The following NLGN1 variants were observed in gnomAD, a reference collection of about 807,000 sequenced individuals.
The protein encoded by NLGN1 is neuroligin-1.
Under a neutral mutation model 65.5 loss-of-function variants are expected in NLGN1, and 12 were observed. The ratio of observed to expected loss-of-function variants is 0.18; its 90% CI spans 0.12 to 0.30. The LOEUF is 0.30. Ranked by LOEUF, NLGN1 falls within the 10% of genes least tolerant of loss-of-function variation. NLGN1 has a pLI of 1.00. For synonymous variants in NLGN1, 350 were observed against 359.5 expected (o/e 0.97, Z 0.30); for missense variants, 750 against 1,007.1 (o/e 0.74, Z 3.46).
chr3:173,971,699 C>T (rs1036349229), intron 4 of NLGN1, among the ~76,000 whole-genome samples: 1 of 152,044 alleles, frequency 6.6e-6, no homozygotes, highest in Non-Finnish European at 1.5e-5. Context: ...GGGACCATTA[C>T]GTGGGTTCCT....
intron 4 of NLGN1, among the ~76,000 whole-genome samples, chr3:174,083,953 T>C (rs899626347): frequency 5.9e-5 from 9 of 152,178 alleles, no homozygotes; most frequent in Non-Finnish European, 1.3e-4. Context: ...GTTCATTCTG[T>C]AGAGGGATAA....
At chr3:173,680,856 A>C (rs1763852087) in intron 3 of NLGN1, among the ~76,000 whole-genome samples, 1 of 152,124 alleles carries the variant, frequency 6.6e-6, no homozygotes, top group African/African-American at 2.4e-5. Context: ...ATGCAAATGT[A>C]CCCTTTCTGG....
At chr3:174,162,396 A>G (rs1240296689) in intron 4 of NLGN1, among the ~76,000 whole-genome samples, 1 of 151,918 alleles carries the variant, frequency 6.6e-6, no homozygotes, top group Non-Finnish European at 1.5e-5. Flanking sequence ...TGGAGGGACT[A>G]TAACCTCTCA....
At chr3:173,804,826 A>G (rs192583577) in intron 3 of NLGN1, among the ~76,000 whole-genome samples, 230 of 152,250 alleles carry the variant, frequency 1.5e-3, no homozygotes, top group African/African-American at 5.1e-3. Flanking sequence ...CAGGAGTTCA[A>G]GACCAGTCTG....
intron 4 of NLGN1, among the ~76,000 whole-genome samples, chr3:173,924,122 C>T (rs1001689677): frequency 6.6e-6 from 1 of 152,062 alleles, no homozygotes; most frequent in Non-Finnish European, 1.5e-5. Flanking sequence ...ATTCCCAATA[C>T]ATTTAAAAAC....
chr3:173,867,998 C>T (rs1730511412), intron 4 of NLGN1, among the ~76,000 whole-genome samples: 1 of 152,162 alleles, frequency 6.6e-6, no homozygotes, highest in Non-Finnish European at 1.5e-5. Flanking sequence ...TTAATCTCCA[C>T]TAAGAAAATA....
At chr3:174,255,615 TTTTCTC>T (rs147160544) in intron 4 of NLGN1, among the ~76,000 whole-genome samples, 16,820 of 146,474 alleles carry the variant, frequency 0.11, 1,714 homozygotes, top group African/African-American at 0.28. Context: ...AACTAAGTCT[TTTTCTC>T]TTTCTTTCTT....
chr3:173,551,700 A>C (rs1740888584), intron 2 of NLGN1, among the ~76,000 whole-genome samples: 1 of 152,222 alleles, frequency 6.6e-6, no homozygotes, highest in Non-Finnish European at 1.5e-5. Context: ...GCAGGGTTGC[A>C]TTGTGATCTT....
intron 4 of NLGN1, among the ~76,000 whole-genome samples, chr3:173,845,365 A>G (rs1233732808): frequency 1.3e-5 from 2 of 152,168 alleles, no homozygotes; most frequent in African/African-American, 4.8e-5. Flanking sequence ...GCCAAATGCC[A>G]TCTACTTTCT....
intron 4 of NLGN1, among the ~76,000 whole-genome samples, chr3:174,034,410 G>T (rs1579905506): frequency 6.6e-6 from 1 of 151,850 alleles, no homozygotes; most frequent in African/African-American, 2.4e-5. Context: ...AGACAATGAA[G>T]GGAAAATAGA....
intron 3 of NLGN1, among the ~76,000 whole-genome samples, chr3:173,715,467 T>C (rs1769694905): frequency 6.6e-6 from 1 of 152,186 alleles, no homozygotes; most frequent in Non-Finnish European, 1.5e-5. Context: ...GATTCTTCTC[T>C]CTTATTAAGA....
intron 3 of NLGN1, among the ~76,000 whole-genome samples, chr3:173,704,221 C>T (rs927498392): frequency 2.6e-5 from 4 of 152,126 alleles, no homozygotes; most frequent in Admixed American, 2.0e-4. Flanking sequence ...GAAGTGTGTC[C>T]TAATGTCTGA....
intron 1 of NLGN1, among the ~76,000 whole-genome samples, chr3:173,428,512 G>T (rs1466005863): frequency 1.3e-5 from 2 of 151,512 alleles, no homozygotes; most frequent in Non-Finnish European, 2.9e-5. Flanking sequence ...TTAAACTGAT[G>T]GCAACTTAAC....
At chr3:173,782,226 G>A (rs2150324847) in intron 3 of NLGN1, among the ~76,000 whole-genome samples, 1 of 152,104 alleles carries the variant, frequency 6.6e-6, no homozygotes, top group African/African-American at 2.4e-5. Flanking sequence ...AGCTAAGCAG[G>A]GAAAGTACAT....
intron 3 of NLGN1, among the ~76,000 whole-genome samples, chr3:173,753,686 C>T (rs1033077766): frequency 2.6e-5 from 4 of 151,916 alleles, no homozygotes; most frequent in Admixed American, 6.6e-5. Flanking sequence ...TTATCTCTTG[C>T]CTTAAGATCT....
chr3:173,488,403 C>A (rs1245035805), intron 2 of NLGN1, among the ~76,000 whole-genome samples: 4 of 152,052 alleles, frequency 2.6e-5, no homozygotes, highest in Admixed American at 2.6e-4. Flanking sequence ...TTTTCCCCCA[C>A]TTTCCTCCTG....
At chr3:174,120,989 T>C (rs1405673701) in intron 4 of NLGN1, among the ~76,000 whole-genome samples, 1 of 152,208 alleles carries the variant, frequency 6.6e-6, no homozygotes, top group African/African-American at 2.4e-5. Context: ...GGCCTTGTTA[T>C]GTTAGCCATT....
At chr3:173,521,375 A>G (rs1434800484) in intron 2 of NLGN1, among the ~76,000 whole-genome samples, 1 of 152,070 alleles carries the variant, frequency 6.6e-6, no homozygotes, top group Non-Finnish European at 1.5e-5. Flanking sequence ...TAAGATCTCC[A>G]TAGAGGTGCT....
chr3:174,044,624 A>G (rs536237177), intron 4 of NLGN1, among the ~76,000 whole-genome samples: 1 of 152,202 alleles, frequency 6.6e-6, no homozygotes, highest in South Asian at 2.1e-4. Context: ...TTTCCGTATC[A>G]CTATCAGCAT....
Sources: allele counts gnomAD v4.1 joint callset (sites outside exome capture counted in the v4.1 genomes callset), GRCh38; gene constraint gnomAD v4.1.1; transcripts MANE v1.5; gene names NCBI Gene and HGNC (gene_info 2026-07-23, HGNC 2026-07-21).